The following FSAF1 variants were observed in gnomAD, a reference collection of about 807,000 sequenced individuals.
FSAF1 encodes the protein uncharacterized protein C1orf131.
chr1:231,231,219 A>G, the FSAF1 span, among the ~76,000 whole-genome samples: 1 of 152,194 alleles, frequency 6.6e-6, no homozygotes, highest in African/African-American at 2.4e-5. Flanking sequence ...CGCCACTTCC[A>G]TTTTATCCAC....
chr1:231,240,379 G>T, the FSAF1 span, among the ~76,000 whole-genome samples: 1 of 152,200 alleles, frequency 6.6e-6, no homozygotes. The surrounding 1 kb of genome is among the most constrained non-coding windows in gnomAD (Gnocchi z 4.1). Flanking sequence ...TTTCTTTGGT[G>T]CATGTGCAAA....
At chr1:231,234,842 T>C in the FSAF1 span, among the ~76,000 whole-genome samples, 13 of 152,140 alleles carry the variant, frequency 8.5e-5, no homozygotes, top group African/African-American at 2.9e-4. The surrounding 1 kb of genome is among the most constrained non-coding windows in gnomAD (Gnocchi z 4.0). Flanking sequence ...TACCCCACAA[T>C]GTTAGCAAGG....
the FSAF1 span, among the ~76,000 whole-genome samples, chr1:231,234,278 G>A: frequency 6.6e-6 from 1 of 152,144 alleles, no homozygotes; most frequent in Non-Finnish European, 1.5e-5. The surrounding 1 kb of genome is among the most constrained non-coding windows in gnomAD (Gnocchi z 4.0). Flanking sequence ...AGAGGCTAAG[G>A]TTCCTGAAAC....
the FSAF1 span, among the ~76,000 whole-genome samples, chr1:231,230,646 G>A: frequency 3.3e-5 from 5 of 152,126 alleles, no homozygotes; most frequent in Admixed American, 6.5e-5. Flanking sequence ...TTCTCCAAAC[G>A]GGAGCTGTGC....
At chr1:231,234,471 G>T in the FSAF1 span, among the ~76,000 whole-genome samples, 4 of 152,150 alleles carry the variant, frequency 2.6e-5, no homozygotes, top group Admixed American at 2.6e-4. The surrounding 1 kb of genome is among the most constrained non-coding windows in gnomAD (Gnocchi z 4.0). Context: ...GAGTAGGTTT[G>T]CCCATTCATT....
chr1:231,239,258 G>A, the FSAF1 span: 35 of 1,327,122 alleles, frequency 2.6e-5, no homozygotes, highest in Admixed American at 1.2e-4. Context: ...CAAATCCTAC[G>A]AATGTATTTG....
the FSAF1 span, among the ~76,000 whole-genome samples, chr1:231,233,395 G>A: frequency 6.6e-6 from 1 of 152,222 alleles, no homozygotes; most frequent in East Asian, 1.9e-4. Flanking sequence ...TCAGGTTCCA[G>A]CTTTAAAATT....
At chr1:231,231,321 A>C in the FSAF1 span, among the ~76,000 whole-genome samples, 1 of 152,160 alleles carries the variant, frequency 6.6e-6, no homozygotes, top group South Asian at 2.1e-4. Flanking sequence ...ATGCACATCT[A>C]ATCTATTTAC....
chr1:231,231,239 A>T, the FSAF1 span, among the ~76,000 whole-genome samples: 1 of 152,226 alleles, frequency 6.6e-6, no homozygotes, highest in African/African-American at 2.4e-5. Flanking sequence ...CACCAGAAAG[A>T]GTCTTATTCC....
chr1:231,224,550 C>T, the FSAF1 span: 2 of 805,814 alleles, frequency 2.5e-6, no homozygotes, highest in South Asian at 1.9e-5. Context: ...ACCCCATACG[C>T]CTTCCTGTGG....
chr1:231,228,096 C>T, the FSAF1 span, among the ~76,000 whole-genome samples: 1 of 152,222 alleles, frequency 6.6e-6, no homozygotes, highest in South Asian at 2.1e-4. Flanking sequence ...ATCACAGCAG[C>T]TTCAAACATA....
chr1:231,239,185 C>T, the FSAF1 span: 1 of 1,549,532 alleles, frequency 6.5e-7, no homozygotes, highest in Non-Finnish European at 8.7e-7. Flanking sequence ...ACCTTCTGTA[C>T]CTCCTGTTTG....
At chr1:231,231,414 C>T in the FSAF1 span, among the ~76,000 whole-genome samples, 8 of 152,146 alleles carry the variant, frequency 5.3e-5, no homozygotes, top group Non-Finnish European at 8.8e-5. Flanking sequence ...AGATATTTAC[C>T]GCCTTTTCTA....
chr1:231,232,393 C>G, the FSAF1 span, among the ~76,000 whole-genome samples: 13 of 152,112 alleles, frequency 8.5e-5, no homozygotes, highest in Non-Finnish European at 2.9e-5. Flanking sequence ...CCACGTGGAC[C>G]CCTTAAGAGC....
At chr1:231,238,729 G>A in the FSAF1 span, 18 of 854,680 alleles carry the variant, frequency 2.1e-5, no homozygotes, top group Admixed American at 2.8e-5. Flanking sequence ...TGGGTCCTGT[G>A]AGTCCTTTTG....
chr1:231,241,105 G>A, the FSAF1 span: 2 of 1,613,882 alleles, frequency 1.2e-6, no homozygotes, highest in Non-Finnish European at 1.7e-6. Context: ...CCTTGCTCCT[G>A]CGACATTGTG....
the FSAF1 span, chr1:231,226,408 C>T: frequency 8.6e-6 from 3 of 350,634 alleles, no homozygotes; most frequent in South Asian, 1.1e-4. Context: ...CGAGCAGATG[C>T]CAGTGCTATG....
chr1:231,239,178 T>C, the FSAF1 span: 2 of 1,562,348 alleles, frequency 1.3e-6, no homozygotes, highest in Non-Finnish European at 1.7e-6. Flanking sequence ...CTGTTTCACC[T>C]TCTGTACCTC....
the FSAF1 span, chr1:231,224,208 A>T: frequency 6.7e-7 from 1 of 1,489,466 alleles, no homozygotes; most frequent in African/African-American, 1.4e-5. Context: ...ATCTATCTAG[A>T]GTCGCACAGG....
Sources: gnomAD v4.1 joint callset for allele counts (sites outside exome capture counted in the v4.1 genomes callset) on GRCh38, gnomAD v4.1.1 for gene constraint, Gnocchi (gnomAD v3.1) non-coding constraint, MANE v1.5 for transcripts, NCBI Gene and HGNC (gene_info 2026-07-23, HGNC 2026-07-21) for gene names.